GNAT3: variants seen among roughly 807,000 people sequenced by gnomAD.
GNAT3 encodes guanine nucleotide-binding protein G(t) subunit alpha-3.
Under a neutral mutation model 37.7 loss-of-function variants are expected in GNAT3, and 31 were observed. That is an observed-to-expected ratio of 0.82 (90% CI 0.62 to 1.11). GNAT3 has a LOEUF of 1.11. Ranked by LOEUF, GNAT3 falls within the 50% of genes most tolerant of loss-of-function variation. The probability of loss-of-function intolerance (pLI) is 0.00; values close to 1 mark genes in which losing one functional copy is unlikely to be tolerated. For synonymous variants in GNAT3, 138 were observed against 139.8 expected (o/e 0.99, Z 0.09); for missense variants, 437 against 412.5 (o/e 1.06, Z -0.51).
intron 1 of GNAT3, among the ~76,000 whole-genome samples, chr7:80,506,289 A>G (rs942931003): frequency 6.6e-6 from 1 of 152,186 alleles, no homozygotes; most frequent in Middle Eastern, 3.2e-3. Context: ...CTTAGCAAAT[A>G]CTATCATTTG....
At chr7:80,487,397 C>G (rs1790508223) in intron 3 of GNAT3, among the ~76,000 whole-genome samples, 1 of 152,128 alleles carries the variant, frequency 6.6e-6, no homozygotes, top group Non-Finnish European at 1.5e-5. Context: ...CAGTAAAATA[C>G]CTGACTCCTT....
At chr7:80,489,531 G>T (rs1790551864) in intron 2 of GNAT3, among the ~76,000 whole-genome samples, 1 of 151,860 alleles carries the variant, frequency 6.6e-6, no homozygotes, top group Admixed American at 6.6e-5. Flanking sequence ...TAGCATGGGG[G>T]GAAAAGAGCA....
rs760409747 is a variant in GNAT3, at chr7:80,478,963, G to C, written c.339C>G (p.Thr113=). Reference sequence around the variant, plus strand: ...GAGGTGTCATGCCACCATCTTCCAGGGTATTTGCCATTGCATAAAGTTGTC... The same window carrying C: ...GAGGTGTCATGCCACCATCTTCCAGCGTATTTGCCATTGCATAAAGTTGTC... ...DQRQLYAMAN[T]LEDGGMTPQL... Residue 113 remains threonine (T), a synonymous_variant, in exon 4 of 8, where the codon ACC becomes ACG. Transcript: ENST00000398291. 1 of 1,611,676 alleles carries C rather than the reference G, an allele frequency of 6.2e-7. No individual in the cohort carries two copies. The highest frequency in any genetic ancestry group is 8.5e-7 in the Non-Finnish European group (1 of 1,178,894).
chr7:80,477,112 A>G (rs1790316919), intron 4 of GNAT3, among the ~76,000 whole-genome samples: 1 of 152,198 alleles, frequency 6.6e-6, no homozygotes, highest in Non-Finnish European at 1.5e-5. Context: ...AGTGTAAAAC[A>G]TACTTTAAGT....
In GNAT3 at chr7:80,494,604, C is replaced by G. The variant is rs1182127500; in HGVS notation, c.161+1G>C. 2.7e-6 allele frequency: 4 copies of G among 1,497,032 alleles called. No homozygotes were observed. In the African/African-American group the frequency reaches 4.1e-5, roughly 15 times the overall value. The allele number at this position is 1,497,032 out of a possible 1,614,324, so 92.7% of individuals were successfully genotyped here. On this transcript the variant is annotated splice_donor_variant, in intron 2 of 7. Transcript: ENST00000398291. LOFTEE classifies it high-confidence loss of function. ...AACACTTGAGACAGATGTATACCTA[C>G]TTCATTTGTTTAACAATAGTACTTT... is the stretch of plus-strand genomic sequence containing the variant.
chr7:80,510,726 A>G (rs897960507), intron 1 of GNAT3, among the ~76,000 whole-genome samples: 2 of 152,194 alleles, frequency 1.3e-5, no homozygotes, highest in Admixed American at 1.3e-4. Flanking sequence ...CCTTTCCTTT[A>G]AGGAGCAAGT....
chr7:80,480,611 T>C (rs2116175058), intron 3 of GNAT3, among the ~76,000 whole-genome samples: 1 of 152,202 alleles, frequency 6.6e-6, no homozygotes, highest in African/African-American at 2.4e-5. Context: ...TTGTTCATTT[T>C]TGTGGTTTCT....
intron 1 of GNAT3, 116 bp downstream of exon 1, chr7:80,511,693 T>A: frequency 1.6e-6 from 1 of 606,996 alleles, no homozygotes; most frequent in Non-Finnish European, 2.9e-6. Context: ...CCAAACACAT[T>A]TTTATAATAA....
chr7:80,474,308 C>A lies in GNAT3; in HGVS notation c.533G>T (p.Arg178Leu). 6.3e-7 allele frequency: 1 copy of A among 1,582,916 alleles called. No individual in the cohort carries two copies. Among genetic ancestry groups the A allele is most frequent in the South Asian group, 1.1e-5 (1 of 87,030 alleles). The change falls in exon 5 of 8, where the codon CGA becomes CTA. Residue 178 changes from arginine to leucine, a missense_variant. By Grantham distance (102) the Arg-to-Leu change is moderately radical. Coordinates refer to ENST00000398291, the MANE Select transcript of GNAT3 (RefSeq NM_001102386.3). Reference protein sequence around the residue: ...VPNEQDVLHSRVKTTGIIETQ... With the variant: ...VPNEQDVLHSLVKTTGIIETQ... ...TTCAATGATTCCAGTCGTTTTCACT[C>A]GAGAATGGAGAACATCTTGTTCATT...
chr7:80,493,842 TCC>T lies in GNAT3; in HGVS notation c.161+761_161+762del, dbSNP rs1350902487. ...CCTCTTTCCTCCTCCTCCTCTTTCC[TCC>T]TCCTCCTCTTTCCTCCTCCTCCTCT... is the stretch of plus-strand genomic sequence containing the variant. On this transcript the variant is annotated intron_variant, in intron 2 of 7. Transcript: ENST00000398291. Among the ~76,000 whole-genome samples, 159 of 134,530 alleles carry T rather than the reference TCC, an allele frequency of 1.2e-3. 4 individuals carry two copies. Among genetic ancestry groups the T allele is most frequent in the African/African-American group, 4.3e-3 (153 of 35,632 alleles). 88.3% of individuals were successfully genotyped at this position (134,530 alleles called of 152,430 possible). A position where few individuals can be genotyped will look rare whatever the true frequency, so the allele number is the denominator to read the frequency against.
intron 4 of GNAT3, among the ~76,000 whole-genome samples, chr7:80,477,988 G>A (rs1367142445): frequency 1.3e-5 from 2 of 152,172 alleles, no homozygotes; most frequent in African/African-American, 2.4e-5. Flanking sequence ...TCTGCCTACT[G>A]CAGCCTTGAC....
At chr7:80,475,791 A>G (rs1790292954) in intron 4 of GNAT3, among the ~76,000 whole-genome samples, 1 of 152,172 alleles carries the variant, frequency 6.6e-6, no homozygotes. Context: ...TTAAGGTTGG[A>G]CAAGTGTCCC....
intron 1 of GNAT3, among the ~76,000 whole-genome samples, chr7:80,494,983 G>A (rs2116208847): frequency 6.6e-6 from 1 of 152,108 alleles, no homozygotes; most frequent in Non-Finnish European, 1.5e-5. Flanking sequence ...AGAACATACG[G>A]TATTTGACTT....
At chr7:80,493,453 A>G (rs896877862) in intron 2 of GNAT3, among the ~76,000 whole-genome samples, 1 of 152,208 alleles carries the variant, frequency 6.6e-6, no homozygotes, top group Admixed American at 6.5e-5. Context: ...TATCACATAA[A>G]AGGAAAACAG....
intron 1 of GNAT3, among the ~76,000 whole-genome samples, chr7:80,505,436 G>T (rs569352559): frequency 3.9e-5 from 6 of 152,056 alleles, no homozygotes; most frequent in Admixed American, 1.3e-4. Context: ...GCACAATCTC[G>T]GCTCACTGCA....
chr7:80,459,205 G>T (rs144443515), intron 7 of GNAT3, among the ~76,000 whole-genome samples: 3 of 152,242 alleles, frequency 2.0e-5, no homozygotes, highest in Admixed American at 1.3e-4. Context: ...AAGAGAAAAA[G>T]AATGGAAAAG....
At chr7:80,493,514 T>C (rs1443598555) in intron 2 of GNAT3, among the ~76,000 whole-genome samples, 2 of 152,196 alleles carry the variant, frequency 1.3e-5, no homozygotes, top group Non-Finnish European at 2.9e-5. Context: ...ATCACTCCCT[T>C]ATAAAATATG....
intron 3 of GNAT3, 101 bp from the exon 4 acceptor site, chr7:80,479,099 T>G (rs1790349627): frequency 3.5e-6 from 3 of 848,248 alleles, no homozygotes; most frequent in African/African-American, 3.5e-5. Flanking sequence ...TCTTATTCTT[T>G]TAGCTAATAA....
intron 3 of GNAT3, among the ~76,000 whole-genome samples, chr7:80,481,036 T>A (rs1257422791): frequency 1.3e-5 from 2 of 152,140 alleles, no homozygotes; most frequent in Non-Finnish European, 2.9e-5. Context: ...ACAACTCAGC[T>A]TATTATTATT....
Sources: gnomAD v4.1 joint callset for allele counts (sites outside exome capture counted in the v4.1 genomes callset) on GRCh38, gnomAD v4.1.1 for gene constraint, MANE v1.5 for transcripts, NCBI Gene and HGNC (gene_info 2026-07-23, HGNC 2026-07-21) for gene names.